SLC12A8: variants seen among roughly 807,000 people sequenced by gnomAD.
The protein encoded by SLC12A8 is solute carrier family 12 member 8, also known as cation-chloride cotransporter 9.
SLC12A8 carries 69 observed loss-of-function variants against 75.6 expected under a neutral mutation model. The observed-to-expected ratio is 0.91, with a 90% CI of 0.75 to 1.11. SLC12A8 has a LOEUF of 1.11. Among genes scored for constraint, SLC12A8 ranks in the 50% most tolerant of loss-of-function variants. SLC12A8 has a pLI of 0.00. For missense variants in SLC12A8, 877 were observed against 896.7 expected (o/e 0.98, Z 0.28); for synonymous variants, 365 against 372.8 (o/e 0.98, Z 0.24).
rs995518744 is a variant in SLC12A8 at position 125,171,041 on chromosome 3, G to T, written c.622+6702C>A. ...TCACTTGTCACTTGATAAATTTCAG[G>T]ATATTTTATATTTTTATGAAACAAA... On this transcript the variant is annotated intron_variant, in intron 5 of 13. Coordinates refer to ENST00000469902, the MANE Select transcript of SLC12A8 (RefSeq NM_024628.6). 3.9e-5 allele frequency among the ~76,000 whole-genome samples: 6 copies of T among 152,080 alleles called. No individual in the cohort carries two copies. The South Asian group carries it at 1.2e-3, about 32-fold the overall frequency.
At chr3:125,114,175 G>A (rs991480270) in intron 8 of SLC12A8, among the ~76,000 whole-genome samples, 16 of 152,110 alleles carry the variant, frequency 1.1e-4, no homozygotes, top group African/African-American at 3.4e-4. Context: ...TTTCCATAAT[G>A]AGACCTAGTC....
rs200646050 is a variant in SLC12A8 at position 125,083,721 on chromosome 3, CAAAA to C, written c.*165_*168del. On this transcript the variant is annotated 3_prime_UTR_variant, in exon 14 of 14. Transcript: ENST00000469902. ...TGGGTGACAGGGCGAGACTCTGTCT[CAAAA>C]AAAAAAAAAAAGGGAAAAGAAAATG... 504 of 562,058 alleles carry C rather than the reference CAAAA, an allele frequency of 9.0e-4. No individual in the cohort carries two copies. The highest frequency in any genetic ancestry group is 1.7e-3 in the South Asian group (65 of 39,318). 34.8% of individuals were successfully genotyped at this position (562,058 alleles called of 1,614,324 possible). A position where few individuals can be genotyped will look rare whatever the true frequency, so the allele number is the denominator to read the frequency against.
intron 8 of SLC12A8, 133 bp downstream of exon 8, chr3:125,118,636 A>C: frequency 2.4e-5 from 14 of 591,732 alleles, no homozygotes; most frequent in Non-Finnish European, 3.9e-5. Flanking sequence ...CTCAAAAAAT[A>C]AATTAATTAA....
In SLC12A8 at chr3:125,107,977, G is replaced by A. The variant is rs773266126; in HGVS notation, c.1209C>T (p.Phe403=). Residue 403 remains phenylalanine, a synonymous_variant, in exon 10 of 14, where the codon TTC becomes TTT. Coordinates refer to ENST00000469902, the MANE Select transcript of SLC12A8 (RefSeq NM_024628.6). The part of the protein sequence containing the change: ...LTYVAVDYSY[F]SLSMCSCSLT... ...GGCTGCAGGAACACATGGACAGGGA[G>A]AAGTAAGAGTAGTCCACTGCAACGT... The A allele has an allele frequency of 3.1e-6, 5 of 1,614,162 alleles. No homozygotes were observed. Among genetic ancestry groups the A allele is most frequent in the Non-Finnish European group, 4.2e-6 (5 of 1,180,024 alleles).
chr3:125,093,217 G>A (rs143942203), intron 10 of SLC12A8, among the ~76,000 whole-genome samples: 2,388 of 152,240 alleles, frequency 0.016, 50 homozygotes, highest in Admixed American at 0.049. Context: ...AATTAACTTC[G>A]CAGTATGTTT....
At chr3:125,141,538 C>G (rs1933637066) in intron 5 of SLC12A8, among the ~76,000 whole-genome samples, 1 of 152,210 alleles carries the variant, frequency 6.6e-6, no homozygotes. Context: ...CCCCCGACAT[C>G]CCCTCCCCCT....
At chr3:125,104,421 T>G (rs1238584377) in intron 10 of SLC12A8, among the ~76,000 whole-genome samples, 2 of 151,130 alleles carry the variant, frequency 1.3e-5, no homozygotes, top group African/African-American at 2.4e-5. Flanking sequence ...AGAAAAAAAT[T>G]TTAAAGGAGG....
At chr3:125,131,293 T>A (rs1236825708) in intron 6 of SLC12A8, among the ~76,000 whole-genome samples, 1 of 152,098 alleles carries the variant, frequency 6.6e-6, no homozygotes, top group Non-Finnish European at 1.5e-5. Flanking sequence ...AACAGCAGAA[T>A]CGCTGGGGAA....
chr3:125,156,013 T>C (rs987426347), intron 5 of SLC12A8, among the ~76,000 whole-genome samples: 4 of 152,066 alleles, frequency 2.6e-5, no homozygotes, highest in African/African-American at 9.7e-5. Context: ...GAGCCAGACG[T>C]GATTTTCACA....
intron 5 of SLC12A8, among the ~76,000 whole-genome samples, chr3:125,138,833 C>A (rs371357516): frequency 1.4e-5 from 2 of 145,950 alleles, no homozygotes; most frequent in East Asian, 2.0e-4. Context: ...CACAGAAAGA[C>A]CCCTTCTACA....
At chr3:125,189,079 T>G (rs1159204650) in intron 3 of SLC12A8, among the ~76,000 whole-genome samples, 2 of 152,240 alleles carry the variant, frequency 1.3e-5, no homozygotes, top group Non-Finnish European at 2.9e-5. Context: ...AAAGGTGATT[T>G]TCAGATGTGA....
chr3:125,181,660 C>G (rs1237247236), intron 4 of SLC12A8, among the ~76,000 whole-genome samples: 1 of 145,628 alleles, frequency 6.9e-6, no homozygotes, highest in Non-Finnish European at 1.5e-5. Flanking sequence ...TAACTTCAGT[C>G]ACAAAAATAT....
intron 2 of SLC12A8, among the ~76,000 whole-genome samples, chr3:125,210,677 G>A (rs564494280): frequency 1.3e-5 from 2 of 152,314 alleles, no homozygotes; most frequent in South Asian, 4.1e-4. Flanking sequence ...AAGGGATGGT[G>A]AAAACTTCAT....
chr3:125,105,225 G>C (rs1441351122), intron 10 of SLC12A8, among the ~76,000 whole-genome samples: 1 of 151,230 alleles, frequency 6.6e-6, no homozygotes, highest in Non-Finnish European at 1.5e-5. Flanking sequence ...AGGGGGGATG[G>C]AGGGATGGGG....
intron 5 of SLC12A8, among the ~76,000 whole-genome samples, chr3:125,154,056 A>T (rs1933994183): frequency 6.6e-6 from 1 of 152,106 alleles, no homozygotes; most frequent in Admixed American, 6.5e-5. Flanking sequence ...CCAGATGATG[A>T]ATTTTAAAAT....
chr3:125,110,719 G>A (rs1939165864), intron 8 of SLC12A8: 1 of 165,756 alleles, frequency 6.0e-6, no homozygotes, highest in African/African-American at 2.4e-5. Flanking sequence ...CAACCACAAT[G>A]CTCATTGGCC....
intron 7 of SLC12A8, among the ~76,000 whole-genome samples, chr3:125,120,069 T>C (rs1158732343): frequency 2.0e-5 from 3 of 152,218 alleles, no homozygotes; most frequent in Admixed American, 2.0e-4. Context: ...TTCCACTGTG[T>C]GCCTTCTCTC....
At chr3:125,166,287 T>C (rs1036422064) in intron 5 of SLC12A8, among the ~76,000 whole-genome samples, 1 of 150,806 alleles carries the variant, frequency 6.6e-6, no homozygotes, top group Admixed American at 6.7e-5. Context: ...GTCAGCCTTA[T>C]CCCTTTTCTT....
At chr3:125,113,351 A>G (rs1253003556) in intron 8 of SLC12A8, among the ~76,000 whole-genome samples, 1 of 152,168 alleles carries the variant, frequency 6.6e-6, no homozygotes, top group African/African-American at 2.4e-5. Flanking sequence ...TATTCAGTCT[A>G]TTTTCTGAGT....
Sources: gnomAD v4.1 joint callset for allele counts (sites outside exome capture counted in the v4.1 genomes callset) on GRCh38, gnomAD v4.1.1 for gene constraint, MANE v1.5 for transcripts, NCBI Gene and HGNC (gene_info 2026-07-23, HGNC 2026-07-21) for gene names.